The following ZNF287 variants were observed in gnomAD, a reference collection of about 807,000 sequenced individuals.
ZNF287 encodes zinc finger protein with KRAB and SCAN domains 13.
In ZNF287, 31 loss-of-function variants were observed where a neutral mutation model predicts 73.7. The ratio of observed to expected loss-of-function variants is 0.42; its 90% CI spans 0.32 to 0.57. ZNF287 has a LOEUF of 0.57. Ranked by LOEUF, ZNF287 falls within the 20% of genes least tolerant of loss-of-function variation. The pLI is 0.13. For synonymous variants in ZNF287, 301 were observed against 307.2 expected (o/e 0.98, Z 0.21); for missense variants, 641 against 909.3 (o/e 0.70, Z 3.79).
chr17:16,565,878 T>C (rs1907713595), intron 3 of ZNF287, among the ~76,000 whole-genome samples: 1 of 152,022 alleles, frequency 6.6e-6, no homozygotes, highest in South Asian at 2.1e-4. Context: ...CCCCAGCTAC[T>C]CCAGAGGCTG....
intron 3 of ZNF287, among the ~76,000 whole-genome samples, chr17:16,566,176 T>TA (rs1237353691): frequency 3.3e-5 from 5 of 152,186 alleles, no homozygotes; most frequent in African/African-American, 1.2e-4. Context: ...GAGAGTAGAA[T>TA]AACTCAGGCT....
chr17:16,567,974 C>T (rs1907856620), intron 1 of ZNF287, 45 bp from the exon 2 acceptor site: 1 of 1,364,176 alleles, frequency 7.3e-7, no homozygotes, highest in Non-Finnish European at 9.4e-7. Context: ...CCCTGGTGTA[C>T]TCTACTATAC....
chr17:16,567,405 T>C lies in ZNF287; in HGVS notation c.327A>G (p.Val109=), dbSNP rs370801431. ...TILPGEVRTW[V]KSQYPESSEE... ...CGCTGCTCTCTGGATACTGGGACTT[T>C]ACCCAAGTCCTAACCTCACCAGGCA... The change falls in exon 2 of 6, where the codon GTA becomes GTG. Residue 109 remains valine (V), a synonymous_variant. Transcript: ENST00000395825. 4.0e-5 allele frequency: 64 copies of C among 1,614,072 alleles called. No homozygotes were observed. The highest frequency in any genetic ancestry group is 5.0e-5 in the Non-Finnish European group (59 of 1,180,042).
In ZNF287 at chr17:16,549,719, T is replaced by C. The variant is rs921402963; in HGVS notation, c.*2137A>G. On this transcript the variant is annotated 3_prime_UTR_variant, in exon 6 of 6. Coordinates refer to ENST00000395825, the MANE Select transcript of ZNF287 (RefSeq NM_020653.4). ...ACAGTAATGTCCAAAGGAAGTTGCA[T>C]GGTTAATACATGCTTAAATTGATAT... is the stretch of plus-strand genomic sequence containing the variant. Among the ~76,000 whole-genome samples the C allele has an allele frequency of 6.6e-6, 1 of 152,232 alleles. No individual in the cohort carries two copies. The highest frequency in any genetic ancestry group is 6.5e-5 in the Admixed American group (1 of 15,278).
rs1306280280 is a variant in ZNF287, at chr17:16,553,108, C to T, written c.1034G>A (p.Gly345Asp). Residue 345 changes from glycine (G) to aspartate (D), a missense_variant, in exon 6 of 6, where the codon GGC becomes GAC. Gly to Asp is a moderately conservative substitution (Grantham distance 94). This residue lies in a region of ZNF287 where 357 missense variants were observed against 442.4 expected (regional missense o/e 0.81). Transcript: ENST00000395825. ...LDNKTSVYNE[G>D]RATFNHVSYG... is the part of the protein sequence containing the mutation. ...TGAGACATGATTGAAGGTTGCCCTG[C>T]CTTCATTATACACAGAAGTTTTATT... The T allele has an allele frequency of 1.1e-5, 17 of 1,613,918 alleles. No homozygotes were observed. The highest frequency in any genetic ancestry group is 1.0e-5 in the Non-Finnish European group (12 of 1,179,954).
At chr17:16,560,948 A>G (rs1907413923) in intron 5 of ZNF287, among the ~76,000 whole-genome samples, 1 of 150,388 alleles carries the variant, frequency 6.6e-6, no homozygotes, top group Non-Finnish European at 1.5e-5. Context: ...GCTTGTAGTG[A>G]GCCAAGGTCC....
chr17:16,548,382 G>A lies in ZNF287; in HGVS notation c.*3474C>T, dbSNP rs1166875752. 3.3e-5 allele frequency among the ~76,000 whole-genome samples: 5 copies of A among 152,110 alleles called. No individual in the cohort carries two copies. The East Asian group carries it at 5.8e-4, about 18-fold the overall frequency. The stretch of plus-strand genomic sequence containing the variant: ...AAAAATGTTTAAACAACCCAATCAA[G>A]CCTTTTGCCCTAACTTCTAATTTAT... On this transcript the variant is annotated 3_prime_UTR_variant, in exon 6 of 6. Transcript: ENST00000395825.
Position 16,549,983 on chromosome 17 carries a change from A to G in ZNF287, c.*1873T>C, listed in dbSNP as rs1357215168. 6.6e-6 allele frequency among the ~76,000 whole-genome samples: 1 copy of G among 152,234 alleles called. No homozygotes were observed. The highest frequency in any genetic ancestry group is 1.5e-5 in the Non-Finnish European group (1 of 68,030). ...TTTATATAATTTATTCATTAATTCAACCATGTATTGACCATGCACTATTAT... is the reference window on the plus strand; with the variant it reads ...TTTATATAATTTATTCATTAATTCAGCCATGTATTGACCATGCACTATTAT... On this transcript the variant is annotated 3_prime_UTR_variant, in exon 6 of 6. Transcript: ENST00000395825.
Position 16,567,467 on chromosome 17 carries a change from A to C in ZNF287, c.265T>G (p.Leu89Val). 6.2e-7 allele frequency: 1 copy of C among 1,614,184 alleles called. No individual in the cohort carries two copies. Among genetic ancestry groups the C allele is most frequent in the Non-Finnish European group, 8.5e-7 (1 of 1,180,030 alleles). The change falls in exon 2 of 6, where the codon TTG becomes GTG. Residue 89 changes from leucine (L) to valine (V), a missense_variant. Around this residue, in one of 2 missense-constraint regions of ZNF287, gnomAD observed 357 missense variants for 442.4 expected, o/e 0.81. Transcript: ENST00000395825. ...RPEIHSKEQILELLVLEQFLT... is the reference protein window; with the variant it reads ...RPEIHSKEQIVELLVLEQFLT... ...AATTGCTCCAGCACCAGCAGCTCCA[A>C]AATTTGTTCCTTTGAGTGAATCTCA...
At position 16,555,568 on chromosome 17, in the gene ZNF287, G is replaced by T. The variant is rs983040167; in HGVS notation, c.716-2142C>A. Among the ~76,000 whole-genome samples the T allele has an allele frequency of 3.3e-5, 5 of 149,860 alleles. No homozygotes were observed. In the East Asian group the frequency reaches 9.9e-4, roughly 30 times the overall value. On this transcript the variant is annotated intron_variant, in intron 5 of 5. Transcript: ENST00000395825. The stretch of plus-strand genomic sequence containing the variant: ...TTTAAAAAGGAGAACTCAGATGAAA[G>T]CATACACAGATGTGCATGCATACAC...
At position 16,551,390 on chromosome 17, in the gene ZNF287, T is replaced by A. The variant is rs1597461881; in HGVS notation, c.*466A>T. 6.2e-6 allele frequency: 1 copy of A among 161,264 alleles called. No individual in the cohort carries two copies. The highest frequency in any genetic ancestry group is 1.9e-4 in the East Asian group (1 of 5,376). The allele number at this position is 161,264 out of a possible 1,614,324, so 10.0% of individuals were successfully genotyped here. Reference sequence around the variant, plus strand: ...TACAGATCCATTTATACTGGAATTTTTTTTTTCAACTGAACAGAGTTTGAA... The same window carrying A: ...TACAGATCCATTTATACTGGAATTTATTTTTTCAACTGAACAGAGTTTGAA... On this transcript the variant is annotated 3_prime_UTR_variant, in exon 6 of 6. Coordinates refer to ENST00000395825, the MANE Select transcript of ZNF287 (RefSeq NM_020653.4).
Position 16,569,166 on chromosome 17 carries a change from G to GGCGCCTCTGCTTAGCCGCGACC in ZNF287, c.-435_-414dup, listed in dbSNP as rs1907934792. On this transcript the variant is annotated 5_prime_UTR_variant, in exon 1 of 6. Transcript: ENST00000395825. ...CTGAGAAGCCCGGCCCAGAAACCCC[G>GGCGCCTCTGCTTAGCCGCGACC]GCGCCTCTGCTTAGCCGCGACCTCG... 1 of 152,400 alleles carries GGCGCCTCTGCTTAGCCGCGACC rather than the reference G, an allele frequency of 6.6e-6. No individual in the cohort carries two copies. The highest frequency in any genetic ancestry group is 2.1e-4 in the South Asian group (1 of 4,838). The allele number at this position is 152,400 out of a possible 1,614,324, so 9.4% of individuals were successfully genotyped here.
chr17:16,550,285 A>C lies in ZNF287; in HGVS notation c.*1571T>G, dbSNP rs980755647. Reference sequence around the variant, plus strand: ...TGTATGAAGGAGTGTCAGGCTTCCAATTATTCTTTAAAAATCGGTCATTTT... The same window carrying C: ...TGTATGAAGGAGTGTCAGGCTTCCACTTATTCTTTAAAAATCGGTCATTTT... On this transcript the variant is annotated 3_prime_UTR_variant, in exon 6 of 6. Coordinates refer to ENST00000395825, the MANE Select transcript of ZNF287 (RefSeq NM_020653.4). Among the ~76,000 whole-genome samples, 3 of 152,122 alleles carry C rather than the reference A, an allele frequency of 2.0e-5. No homozygotes were observed. Among genetic ancestry groups the C allele is most frequent in the African/African-American group, 7.2e-5 (3 of 41,412 alleles).
rs977845268 is a variant in ZNF287, at chr17:16,547,280, A to G, written c.*4576T>C. Among the ~76,000 whole-genome samples, 3 of 152,232 alleles carry G rather than the reference A, an allele frequency of 2.0e-5. No homozygotes were observed. Among genetic ancestry groups the G allele is most frequent in the African/African-American group, 7.2e-5 (3 of 41,456 alleles). ...AGCTTATAAACACCGTAAGTTATAGACATATAATAGTTAAAACACAACGTA... is the reference window on the plus strand; with the variant it reads ...AGCTTATAAACACCGTAAGTTATAGGCATATAATAGTTAAAACACAACGTA... On this transcript the variant is annotated 3_prime_UTR_variant, in exon 6 of 6. Transcript: ENST00000395825.
intron 5 of ZNF287, among the ~76,000 whole-genome samples, chr17:16,556,236 G>A (rs1907060091): frequency 6.6e-6 from 1 of 151,824 alleles, no homozygotes; most frequent in African/African-American, 2.4e-5. Context: ...AGGGGAGAGG[G>A]ACACTTAATA....
rs567418157 is a variant in ZNF287 at position 16,548,530 on chromosome 17, G to C, written c.*3326C>G. ...GAGGAAAAACTGTCCGGGCGCGGTG[G>C]TTCACGCCTGTAATGCCAGTACTTT... On this transcript the variant is annotated 3_prime_UTR_variant, in exon 6 of 6. Coordinates refer to ENST00000395825, the MANE Select transcript of ZNF287 (RefSeq NM_020653.4). Among the ~76,000 whole-genome samples, 41 of 152,144 alleles carry C rather than the reference G, an allele frequency of 2.7e-4. No homozygotes were observed. Among genetic ancestry groups the C allele is most frequent in the South Asian group, 1.0e-3 (5 of 4,824 alleles).
At chr17:16,560,913 G>A (rs1229469281) in intron 5 of ZNF287, among the ~76,000 whole-genome samples, 2 of 151,652 alleles carry the variant, frequency 1.3e-5, no homozygotes, top group African/African-American at 2.4e-5. Context: ...TGAGGCAGGA[G>A]AATGGCGTGA....
chr17:16,554,780 TGTG>T (rs1171244391), intron 5 of ZNF287, among the ~76,000 whole-genome samples: 1 of 152,044 alleles, frequency 6.6e-6, no homozygotes, highest in African/African-American at 2.4e-5. Flanking sequence ...TTTAGACAGA[TGTG>T]GTGGTGTGCA....
Position 16,550,053 on chromosome 17 carries a change from T to G in ZNF287, c.*1803A>C, listed in dbSNP as rs1321024079. ...AGTAAGAGCACAATGAAATCTCAGT[T>G]CTCAGAATATGGCCTTATATTCTGG... On this transcript the variant is annotated 3_prime_UTR_variant, in exon 6 of 6. Transcript: ENST00000395825. Among the ~76,000 whole-genome samples the G allele has an allele frequency of 6.6e-6, 1 of 152,206 alleles. No homozygotes were observed. Among genetic ancestry groups the G allele is most frequent in the Non-Finnish European group, 1.5e-5 (1 of 68,026 alleles).
Sources: allele counts gnomAD v4.1 joint callset (sites outside exome capture counted in the v4.1 genomes callset), GRCh38; gene constraint gnomAD v4.1.1; regional missense constraint gnomAD v4.1.1; transcripts MANE v1.5; gene names NCBI Gene and HGNC (gene_info 2026-07-23, HGNC 2026-07-21).